SRRM5: variants seen among roughly 807,000 people sequenced by gnomAD.
SRRM5 encodes the protein serine/arginine repetitive matrix protein 5.
A neutral mutation model predicts 1.3 loss-of-function variants in SRRM5; 1 was observed. The ratio of observed to expected loss-of-function variants is 0.76; its 90% CI spans 0.27 to 3.59. The LOEUF is 3.59. SRRM5 is among the 30% of genes most tolerant of loss of function. The probability of loss-of-function intolerance (pLI) is 0.19; values close to 1 mark genes in which losing one functional copy is unlikely to be tolerated. For missense variants in SRRM5, 875 were observed against 914.5 expected, an observed-to-expected ratio of 0.96 and a Z score of 0.56; for synonymous variants, 275 against 320.2, an observed-to-expected ratio of 0.86 and a Z score of 1.51.
At position 43,613,092 on chromosome 19, in the gene SRRM5, G is replaced by A. The variant is rs1191558140; in HGVS notation, c.971G>A (p.Ser324Asn). ...AGTCGCACCCGGAAGGGAATTCTGA[G>A]CCAGATGGGAAGACACAGCCAGTCT... The part of the protein sequence containing the change: ...ARSRTRKGIL[S>N]QMGRHSQSRS... Residue 324 changes from serine (S) to asparagine (N), a missense_variant, in exon 1 of 1, where the codon AGC (serine) becomes AAC (asparagine). Physicochemically the swap from Ser to Asn is conservative, Grantham distance 46 (BLOSUM62 1). Transcript: ENST00000417606. 6.4e-7 allele frequency: 1 copy of A among 1,551,554 alleles called. No homozygotes were observed. Among genetic ancestry groups the A allele is most frequent in the Non-Finnish European group, 8.7e-7 (1 of 1,146,970 alleles).
Position 43,612,828 on chromosome 19 carries a change from C to T in SRRM5, c.707C>T (p.Pro236Leu). ...PSKEKSDNPS[P>L]SSSRKVKSYG... is the part of the protein sequence containing the mutation. ...AAGGAGAAGAGTGACAACCCATCTC[C>T]ATCCTCATCAAGGAAGGTGAAGAGC... Residue 236 changes from proline (P) to leucine (L), a missense_variant, in exon 1 of 1, where the codon CCA becomes CTA. By Grantham distance (98) the Pro-to-Leu change is moderately conservative. Coordinates refer to ENST00000417606, the MANE Select transcript of SRRM5 (RefSeq NM_001145641.2). This position sits in a 1 kb window ranked among gnomAD's most constrained non-coding sequence, Gnocchi z 4.2. The T allele has an allele frequency of 6.4e-7, 1 of 1,551,664 alleles. No individual in the cohort carries two copies. The highest frequency in any genetic ancestry group is 8.7e-7 in the Non-Finnish European group (1 of 1,146,974).
rs1302241925 is a variant in SRRM5 at position 43,612,944 on chromosome 19, C to T, written c.823C>T (p.Arg275Cys). 7 of 1,551,592 alleles carry T rather than the reference C, an allele frequency of 4.5e-6. No individual in the cohort carries two copies. Among genetic ancestry groups the T allele is most frequent in the South Asian group, 2.4e-5 (2 of 84,062 alleles). Residue 275 changes from arginine (R) to cysteine (C), a missense_variant, in exon 1 of 1, where the codon CGC (arginine) becomes TGC (cysteine). Coordinates refer to ENST00000417606, the MANE Select transcript of SRRM5 (RefSeq NM_001145641.2). This position sits in a 1 kb window ranked among gnomAD's most constrained non-coding sequence, Gnocchi z 4.2. ...CAAGAGTTATAACCAGGCCAGCACC[C>T]GCAGCAGGCCGCAAAGTCACAGCCA... ...RVKSYNQAST[R>C]SRPQSHSQSR...
In SRRM5 at chr19:43,614,116, T is replaced by G; in HGVS notation, c.1995T>G (p.Asn665Lys). The change falls in exon 1 of 1, where the codon AAT (asparagine) becomes AAG (lysine). Residue 665 changes from asparagine to lysine, a missense_variant. Asn to Lys is a moderately conservative substitution (Grantham distance 94, BLOSUM62 0). Coordinates refer to ENST00000417606, the MANE Select transcript of SRRM5 (RefSeq NM_001145641.2). ...CTAGGACAAGCAGTCTCAGTCAGAA[T>G]AGAACCCCTAGCAAGACAAGCAGCC... ...SPTRTSSLSQ[N>K]RTPSKTSSHS... is the part of the protein sequence containing the mutation. The G allele has an allele frequency of 6.3e-7, 1 of 1,598,062 alleles. No individual in the cohort carries two copies.
In SRRM5 at chr19:43,613,308, A is replaced by G. The variant is rs1300437252; in HGVS notation, c.1187A>G (p.Asn396Ser). Reference sequence around the variant, plus strand: ...GGTCGCAGTCAATCAGGAAGCCCCAACAAGCAGAGAGATCACAGCCGATCT... The same window carrying G: ...GGTCGCAGTCAATCAGGAAGCCCCAGCAAGCAGAGAGATCACAGCCGATCT... ...ESGRSQSGSPNKQRDHSRSRS... is the reference protein window; with the variant it reads ...ESGRSQSGSPSKQRDHSRSRS... The change falls in exon 1 of 1, where the codon AAC becomes AGC. Residue 396 changes from asparagine to serine, a missense_variant. Transcript: ENST00000417606. The G allele has an allele frequency of 1.9e-6, 3 of 1,551,146 alleles. No individual in the cohort carries two copies. The highest frequency in any genetic ancestry group is 2.6e-6 in the Non-Finnish European group (3 of 1,146,918).
rs1973319663 is a variant in SRRM5, at chr19:43,612,965, A to G, written c.844A>G (p.Ser282Gly). The G allele has an allele frequency of 6.4e-7, 1 of 1,551,608 alleles. No homozygotes were observed. The highest frequency in any genetic ancestry group is 2.0e-5 in the Admixed American group (1 of 50,980). The change falls in exon 1 of 1, where the codon AGC (serine) becomes GGC (glycine). Residue 282 changes from serine to glycine, a missense_variant. Physicochemically the swap from Ser to Gly is moderately conservative, Grantham distance 56. Transcript: ENST00000417606. This position sits in a 1 kb window ranked among gnomAD's most constrained non-coding sequence, Gnocchi z 4.2. ...CACCCGCAGCAGGCCGCAAAGTCAC[A>G]GCCAATCTAGAAGCCCCAGAAGGTC... ...ASTRSRPQSH[S>G]QSRSPRRSRS...
In SRRM5 at chr19:43,614,090, A is replaced by C. The variant is rs751074347; in HGVS notation, c.1969A>C (p.Thr657Pro). Residue 657 changes from threonine (T) to proline (P), a missense_variant, in exon 1 of 1, where the codon ACT becomes CCT. Physicochemically the swap from Thr to Pro is conservative, Grantham distance 38. Transcript: ENST00000417606. ...AAGTCCCGACTGGAAGAGATCCCCT[A>C]CTAGGACAAGCAGTCTCAGTCAGAA... ...PRSPDWKRSP[T>P]RTSSLSQNRT... 1.3e-6 allele frequency: 2 copies of C among 1,570,674 alleles called. No individual in the cohort carries two copies. Among genetic ancestry groups the C allele is most frequent in the South Asian group, 2.3e-5 (2 of 86,202 alleles).
Position 43,614,169 on chromosome 19 carries a change from G to A in SRRM5, c.2048G>A (p.Gly683Asp). Reference sequence around the variant, plus strand: ...TCCCCATCAACATTTCCCAGTGGGGGCCAAACCCTAAGCCAGGATGACAGT... The same window carrying A: ...TCCCCATCAACATTTCCCAGTGGGGACCAAACCCTAAGCCAGGATGACAGT... ...SHSPSTFPSGGQTLSQDDSQA... is the reference protein window; with the variant it reads ...SHSPSTFPSGDQTLSQDDSQA... Residue 683 changes from glycine to aspartate, a missense_variant, in exon 1 of 1, where the codon GGC becomes GAC. Gly to Asp is a moderately conservative substitution (Grantham distance 94, BLOSUM62 -1). Coordinates refer to ENST00000417606, the MANE Select transcript of SRRM5 (RefSeq NM_001145641.2). 6.2e-7 allele frequency: 1 copy of A among 1,614,064 alleles called. No homozygotes were observed. Among genetic ancestry groups the A allele is most frequent in the Non-Finnish European group, 8.5e-7 (1 of 1,179,974 alleles).
rs1005254175 is a variant in SRRM5 at position 43,612,368 on chromosome 19, C to A, written c.247C>A (p.Arg83=). ...TTCTAACCGGCCCAGCAGCAGGTCCCGAGTCCGCAGCAAAGCAAGAACACC... is the reference window on the plus strand; with the variant it reads ...TTCTAACCGGCCCAGCAGCAGGTCCAGAGTCCGCAGCAAAGCAAGAACACC... ...APSNRPSSRS[R]VRSKARTPSR... is the part of the protein sequence containing the mutation. Residue 83 remains arginine (R), a synonymous_variant, in exon 1 of 1, where the codon CGA becomes AGA. Transcript: ENST00000417606. This position sits in a 1 kb window ranked among gnomAD's most constrained non-coding sequence, Gnocchi z 4.2. The A allele has an allele frequency of 2.6e-6, 4 of 1,551,672 alleles. No individual in the cohort carries two copies. The highest frequency in any genetic ancestry group is 3.5e-6 in the Non-Finnish European group (4 of 1,146,978).
In SRRM5 at chr19:43,612,978, G is replaced by C; in HGVS notation, c.857G>C (p.Ser286Thr). The change falls in exon 1 of 1, where the codon AGC (serine) becomes ACC (threonine). Residue 286 changes from serine (S) to threonine (T), a missense_variant. By Grantham distance (58) the Ser-to-Thr change is moderately conservative (BLOSUM62 1). Coordinates refer to ENST00000417606, the MANE Select transcript of SRRM5 (RefSeq NM_001145641.2). The surrounding 1 kb of genome is among the most constrained non-coding windows in gnomAD (Gnocchi z 4.2). ...CCGCAAAGTCACAGCCAATCTAGAAGCCCCAGAAGGTCAAGAAGTGGCAGT... is the reference window on the plus strand; with the variant it reads ...CCGCAAAGTCACAGCCAATCTAGAACCCCCAGAAGGTCAAGAAGTGGCAGT... Reference protein sequence around the residue: ...SRPQSHSQSRSPRRSRSGSQK... With the variant: ...SRPQSHSQSRTPRRSRSGSQK... The C allele has an allele frequency of 6.4e-7, 1 of 1,551,668 alleles. No individual in the cohort carries two copies. Among genetic ancestry groups the C allele is most frequent in the Non-Finnish European group, 8.7e-7 (1 of 1,146,976 alleles).
At position 43,613,197 on chromosome 19, in the gene SRRM5, C is replaced by T. The variant is rs1973323370; in HGVS notation, c.1076C>T (p.Pro359Leu). The T allele has an allele frequency of 1.3e-6, 2 of 1,551,602 alleles. No individual in the cohort carries two copies. The highest frequency in any genetic ancestry group is 1.7e-6 in the Non-Finnish European group (2 of 1,146,970). Residue 359 changes from proline (P) to leucine (L), a missense_variant, in exon 1 of 1, where the codon CCC becomes CTC. Pro to Leu is a moderately conservative substitution (Grantham distance 98, BLOSUM62 -3). Coordinates refer to ENST00000417606, the MANE Select transcript of SRRM5 (RefSeq NM_001145641.2). ...RGRSHNWSRN[P>L]SKERSHSHSR... ...AGAAGTCACAACTGGTCTAGAAACC[C>T]CAGCAAGGAAAGAAGTCATAGCCAT...
At position 43,613,780 on chromosome 19, in the gene SRRM5, G is replaced by A. The variant is rs1568535587; in HGVS notation, c.1659G>A (p.Glu553=). The change falls in exon 1 of 1, where the codon GAG becomes GAA. Residue 553 remains glutamate, a synonymous_variant. Coordinates refer to ENST00000417606, the MANE Select transcript of SRRM5 (RefSeq NM_001145641.2). ...RDRSQSRSPS[E]EREHRQSRSP... ...GCAGCCAATCTAGAAGCCCCAGCGA[G>A]GAGAGAGAGCACAGACAATCCAGAA... 1.9e-6 allele frequency: 3 copies of A among 1,549,766 alleles called. No homozygotes were observed. Among genetic ancestry groups the A allele is most frequent in the African/African-American group, 2.7e-5 (2 of 72,974 alleles).
Position 43,614,490 on chromosome 19 carries a change from C to G in SRRM5, c.*221C>G, listed in dbSNP as rs770233864. ...GATTCAATAAATTTTTACATAGCAC[C>G]CATCCCCACCAAGCCCAACTGTGTG... On this transcript the variant is annotated 3_prime_UTR_variant, in exon 1 of 1. Transcript: ENST00000417606. 1.8e-5 allele frequency: 25 copies of G among 1,412,120 alleles called. No individual in the cohort carries two copies. Among genetic ancestry groups the G allele is most frequent in the Admixed American group, 6.0e-5 (2 of 33,098 alleles). 87.5% of individuals were successfully genotyped at this position (1,412,120 alleles called of 1,614,324 possible). A position where few individuals can be genotyped will look rare whatever the true frequency, so the allele number is the denominator to read the frequency against.
rs1254357843 is a variant in SRRM5 at position 43,612,966 on chromosome 19, G to A, written c.845G>A (p.Ser282Asn). 1 of 1,551,704 alleles carries A rather than the reference G, an allele frequency of 6.4e-7. No homozygotes were observed. The highest frequency in any genetic ancestry group is 8.7e-7 in the Non-Finnish European group (1 of 1,146,984). The change falls in exon 1 of 1, where the codon AGC becomes AAC. Residue 282 changes from serine to asparagine, a missense_variant. By Grantham distance (46) the Ser-to-Asn change is conservative (BLOSUM62 1). Coordinates refer to ENST00000417606, the MANE Select transcript of SRRM5 (RefSeq NM_001145641.2). This position sits in a 1 kb window ranked among gnomAD's most constrained non-coding sequence, Gnocchi z 4.2. ...ASTRSRPQSH[S>N]QSRSPRRSRS... ...ACCCGCAGCAGGCCGCAAAGTCACA[G>A]CCAATCTAGAAGCCCCAGAAGGTCA...
Position 43,614,153 on chromosome 19 carries a change from A to G in SRRM5, c.2032A>G (p.Thr678Ala), listed in dbSNP as rs747259485. 32 of 1,613,790 alleles carry G rather than the reference A, an allele frequency of 2.0e-5. No homozygotes were observed. Among genetic ancestry groups the G allele is most frequent in the Non-Finnish European group, 2.6e-5 (31 of 1,179,794 alleles). Residue 678 changes from threonine to alanine, a missense_variant, in exon 1 of 1, where the codon ACA becomes GCA. By Grantham distance (58) the Thr-to-Ala change is moderately conservative (BLOSUM62 0). Transcript: ENST00000417606. ...PSKTSSHSPS[T>A]FPSGGQTLSQ... ...CAAGACAAGCAGCCACTCCCCATCAACATTTCCCAGTGGGGGCCAAACCCT... is the reference window on the plus strand; with the variant it reads ...CAAGACAAGCAGCCACTCCCCATCAGCATTTCCCAGTGGGGGCCAAACCCT...
chr19:43,614,160 C>T lies in SRRM5; in HGVS notation c.2039C>T (p.Pro680Leu), dbSNP rs772836243. ...AGCAGCCACTCCCCATCAACATTTC[C>T]CAGTGGGGGCCAAACCCTAAGCCAG... ...KTSSHSPSTF[P>L]SGGQTLSQDD... Residue 680 changes from proline (P) to leucine (L), a missense_variant, in exon 1 of 1, where the codon CCC (proline) becomes CTC (leucine). Pro to Leu is a moderately conservative substitution (Grantham distance 98). Transcript: ENST00000417606. 6.2e-7 allele frequency: 1 copy of T among 1,613,978 alleles called. No individual in the cohort carries two copies. The highest frequency in any genetic ancestry group is 1.7e-5 in the Admixed American group (1 of 59,992).
chr19:43,612,833 T>C lies in SRRM5; in HGVS notation c.712T>C (p.Ser238Pro), dbSNP rs1973317039. The C allele has an allele frequency of 3.2e-6, 5 of 1,551,520 alleles. No individual in the cohort carries two copies. In the African/African-American group the frequency reaches 4.1e-5, roughly 13 times the overall value. The change falls in exon 1 of 1, where the codon TCA (serine) becomes CCA (proline). Residue 238 changes from serine (S) to proline (P), a missense_variant. Ser to Pro is a moderately conservative substitution (Grantham distance 74). Coordinates refer to ENST00000417606, the MANE Select transcript of SRRM5 (RefSeq NM_001145641.2). The surrounding 1 kb of genome is among the most constrained non-coding windows in gnomAD (Gnocchi z 4.2). ...KEKSDNPSPS[S>P]SRKVKSYGQM... ...GAAGAGTGACAACCCATCTCCATCC[T>C]CATCAAGGAAGGTGAAGAGCTACGG... is the stretch of plus-strand genomic sequence containing the variant.
In SRRM5 at chr19:43,612,249, C is replaced by T; in HGVS notation, c.128C>T (p.Ser43Phe). 6.4e-7 allele frequency: 1 copy of T among 1,551,754 alleles called. No individual in the cohort carries two copies. Among genetic ancestry groups the T allele is most frequent in the South Asian group, 1.2e-5 (1 of 84,060 alleles). The change falls in exon 1 of 1, where the codon TCC becomes TTC. Residue 43 changes from serine (S) to phenylalanine (F), a missense_variant. By Grantham distance (155) the Ser-to-Phe change is radical. Coordinates refer to ENST00000417606, the MANE Select transcript of SRRM5 (RefSeq NM_001145641.2). The surrounding 1 kb of genome is among the most constrained non-coding windows in gnomAD (Gnocchi z 4.2). ...KSTKSATPNRSLVPTKPATSR... is the reference protein window; with the variant it reads ...KSTKSATPNRFLVPTKPATSR... ...ACCAAATCAGCAACACCCAACAGAT[C>T]CTTAGTGCCCACCAAACCAGCGACA...
In SRRM5 at chr19:43,613,466, C is replaced by T. The variant is rs985568819; in HGVS notation, c.1345C>T (p.Arg449Cys). Residue 449 changes from arginine (R) to cysteine (C), a missense_variant, in exon 1 of 1, where the codon CGC becomes TGC. Arg to Cys is a radical substitution (Grantham distance 180). Transcript: ENST00000417606. The part of the protein sequence containing the change: ...RSRSPYKARD[R>C]SRSRSPNKAR... ...TAGAAGTCCCTACAAGGCGAGAGAT[C>T]GCAGCCGATCTAGAAGTCCCAACAA... 2 of 1,545,466 alleles carry T rather than the reference C, an allele frequency of 1.3e-6. No individual in the cohort carries two copies. The highest frequency in any genetic ancestry group is 2.4e-5 in the South Asian group (2 of 83,856).
In SRRM5 at chr19:43,613,220, C is replaced by A; in HGVS notation, c.1099C>A (p.His367Asn). 6.4e-7 allele frequency: 1 copy of A among 1,551,694 alleles called. No individual in the cohort carries two copies. Among genetic ancestry groups the A allele is most frequent in the Non-Finnish European group, 8.7e-7 (1 of 1,146,998 alleles). ...CCCCAGCAAGGAAAGAAGTCATAGC[C>A]ATTCCAGAAGCTCCAGCAAAGAGAG... ...RNPSKERSHS[H>N]SRSSSKERDH... Residue 367 changes from histidine to asparagine, a missense_variant, in exon 1 of 1, where the codon CAT becomes AAT. His to Asn is a moderately conservative substitution (Grantham distance 68, BLOSUM62 1). Coordinates refer to ENST00000417606, the MANE Select transcript of SRRM5 (RefSeq NM_001145641.2).
Sources: gnomAD v4.1 joint callset for allele counts on GRCh38, gnomAD v4.1.1 for gene constraint, Gnocchi (gnomAD v3.1) non-coding constraint, MANE v1.5 for transcripts, NCBI Gene and HGNC (gene_info 2026-07-23, HGNC 2026-07-21) for gene names.